The following CRAMP1 variants were observed in gnomAD, a reference collection of about 807,000 sequenced individuals.
CRAMP1 encodes protein cramped-like.
In CRAMP1, 50 loss-of-function variants were observed where a neutral mutation model predicts 115.4. The ratio of observed to expected loss-of-function variants is 0.43; its 90% CI spans 0.35 to 0.55. The LOEUF (loss-of-function observed/expected upper bound fraction) is 0.55, where lower values mean the gene tolerates loss of function less well. CRAMP1 is among the 20% of genes least tolerant of loss of function. CRAMP1 has a pLI of 0.01. For missense variants in CRAMP1, 1,679 were observed against 1,721.7 expected (o/e 0.98, Z 0.44); for synonymous variants, 866 against 745.4 (o/e 1.16, Z -2.64).
At chr16:1,658,110 G>A (rs1567459076) in intron 10 of CRAMP1, among the ~76,000 whole-genome samples, 1 of 152,286 alleles carries the variant, frequency 6.6e-6, no homozygotes, top group East Asian at 1.9e-4. Flanking sequence ...CCCCCAGCCG[G>A]TGCAGGGCTT....
chr16:1,642,113 C>T (rs902675489), intron 6 of CRAMP1, among the ~76,000 whole-genome samples: 1 of 152,236 alleles, frequency 6.6e-6, no homozygotes, highest in Admixed American at 6.5e-5. Flanking sequence ...GCACAACCAG[C>T]CCCGATCCTT....
At chr16:1,616,091 A>G (rs1157319773) in intron 2 of CRAMP1, among the ~76,000 whole-genome samples, 2 of 152,372 alleles carry the variant, frequency 1.3e-5, no homozygotes, top group East Asian at 1.9e-4. Context: ...ATATAAGTAT[A>G]CTTATTTAAA....
At chr16:1,621,154 A>G (rs2036462555) in intron 2 of CRAMP1, among the ~76,000 whole-genome samples, 1 of 152,140 alleles carries the variant, frequency 6.6e-6, no homozygotes, top group African/African-American at 2.4e-5. Context: ...CCCAGTTGAA[A>G]GATATGGATA....
intron 20 of CRAMP1, 86 bp from the exon 21 acceptor site, chr16:1,673,795 G>T: frequency 1.6e-6 from 2 of 1,287,712 alleles, no homozygotes; most frequent in Non-Finnish European, 2.2e-6. Context: ...GTCGATAGGA[G>T]CTTCTCGTCC....
At chr16:1,662,916 TTCATG>T in intron 13 of CRAMP1, 81 bp downstream of exon 13, 1 of 1,127,576 alleles carries the variant, frequency 8.9e-7, no homozygotes, top group Non-Finnish European at 1.3e-6. Context: ...CTCTCACATT[TTCATG>T]GTGTAAAATG....
At chr16:1,628,018 C>A (rs2036520482) in intron 3 of CRAMP1, among the ~76,000 whole-genome samples, 1 of 152,142 alleles carries the variant, frequency 6.6e-6, no homozygotes, top group South Asian at 2.1e-4. Context: ...AGGAGGAGTT[C>A]CTTGTTAATG....
At position 1,659,968 on chromosome 16, in the gene CRAMP1, T is replaced by C. The variant is rs756161025; in HGVS notation, c.2318T>C (p.Val773Ala). Reference protein sequence around the residue: ...EQSMTPPGKVVTVSSRSPRCP... With the variant: ...EQSMTPPGKVATVSSRSPRCP... Reference sequence around the variant, plus strand: ...TCGATGACGCCCCCAGGGAAGGTGGTGACCGTCAGCTCTCGCAGCCCCCGC... The same window carrying C: ...TCGATGACGCCCCCAGGGAAGGTGGCGACCGTCAGCTCTCGCAGCCCCCGC... Residue 773 changes from valine to alanine, a missense_variant, in exon 11 of 21, where the codon GTG (valine) becomes GCG (alanine). Transcript: ENST00000397412. 4 of 1,609,808 alleles carry C rather than the reference T, an allele frequency of 2.5e-6. No individual in the cohort carries two copies. In the South Asian group the frequency reaches 4.4e-5, roughly 18 times the overall value.
intron 4 of CRAMP1, among the ~76,000 whole-genome samples, chr16:1,633,037 A>G (rs1441446401): frequency 1.3e-5 from 2 of 152,164 alleles, no homozygotes; most frequent in Non-Finnish European, 2.9e-5. Flanking sequence ...CTTCACACAC[A>G]GCTTGGTCCT....
intron 13 of CRAMP1, 53 bp from the exon 14 acceptor site, chr16:1,665,004 A>AT (rs1464701433): frequency 2.4e-6 from 3 of 1,265,278 alleles, no homozygotes; most frequent in Non-Finnish European, 3.5e-6. Context: ...ACTGGGAGTG[A>AT]TTTTTTGGTA....
At chr16:1,617,338 A>G (rs139194375) in intron 2 of CRAMP1, among the ~76,000 whole-genome samples, 2 of 152,278 alleles carry the variant, frequency 1.3e-5, no homozygotes, top group Non-Finnish European at 2.9e-5. Context: ...ACATCCTCTG[A>G]CACCAGTCTT....
intron 11 of CRAMP1, among the ~76,000 whole-genome samples, chr16:1,662,203 C>T (rs2036837265): frequency 2.0e-5 from 3 of 152,166 alleles, no homozygotes; most frequent in Non-Finnish European, 4.4e-5. Context: ...CCTGGAACAT[C>T]TTTGGTGTCT....
At position 1,617,196 on chromosome 16, in the gene CRAMP1, G is replaced by T. The variant is rs1388558942; in HGVS notation, c.346+2211G>T. On this transcript the variant is annotated intron_variant, in intron 2 of 20. Coordinates refer to ENST00000397412, the MANE Select transcript of CRAMP1 (RefSeq NM_020825.4). ...GGCTTTTAGGAGAGGAGTAGGAAGT[G>T]GGTCTCCTTTGCATCACAGAACTTC... Among the ~76,000 whole-genome samples the T allele has an allele frequency of 2.0e-5, 3 of 152,178 alleles. No individual in the cohort carries two copies. In the South Asian group the frequency reaches 6.2e-4, roughly 32 times the overall value.
At chr16:1,655,646 C>G (rs1443139303) in intron 9 of CRAMP1, among the ~76,000 whole-genome samples, 1 of 152,242 alleles carries the variant, frequency 6.6e-6, no homozygotes, top group African/African-American at 2.4e-5. Flanking sequence ...GCTCCCGGCC[C>G]TGCCTGCTCC....
chr16:1,656,734 G>A lies in CRAMP1; in HGVS notation c.1977G>A (p.Arg659=), dbSNP rs1170017010. The A allele has an allele frequency of 1.9e-6, 3 of 1,550,666 alleles. No individual in the cohort carries two copies. The highest frequency in any genetic ancestry group is 1.7e-6 in the Non-Finnish European group (2 of 1,147,176). Residue 659 remains arginine, a synonymous_variant, in exon 10 of 21, where the codon AGG becomes AGA. Transcript: ENST00000397412. The surrounding 1 kb of genome is among the most constrained non-coding windows in gnomAD (Gnocchi z 5.6). ...CGTCTCAGGGACAGCCTGCCGCCAG[G>A]CCCCCGAAGGAGGTCCCCGCCAGCC... is the stretch of plus-strand genomic sequence containing the variant. The part of the protein sequence containing the change: ...PPPSQGQPAA[R]PPKEVPASRL...
intron 14 of CRAMP1, among the ~76,000 whole-genome samples, chr16:1,665,379 C>T (rs1423000032): frequency 2.0e-5 from 3 of 152,206 alleles, no homozygotes; most frequent in Non-Finnish European, 4.4e-5. Flanking sequence ...TCAGATGGCC[C>T]TGTGTGAGGC....
intron 10 of CRAMP1, among the ~76,000 whole-genome samples, chr16:1,657,288 G>A (rs772108044): frequency 6.6e-6 from 1 of 152,230 alleles, no homozygotes; most frequent in Non-Finnish European, 1.5e-5. Flanking sequence ...GTGCAGTGAT[G>A]AGTGGCCTGG....
chr16:1,617,358 C>G (rs1326610915), intron 2 of CRAMP1, among the ~76,000 whole-genome samples: 1 of 152,164 alleles, frequency 6.6e-6, no homozygotes, highest in Admixed American at 6.5e-5. Context: ...TTGGAGAGAC[C>G]TCTGCTCAGT....
chr16:1,653,820 CAAA>C (rs113112609), intron 8 of CRAMP1, among the ~76,000 whole-genome samples: 2 of 58,170 alleles, frequency 3.4e-5, no homozygotes, highest in African/African-American at 6.7e-5. Flanking sequence ...GACTCTGTCT[CAAA>C]AAAAAAAAAA....
At chr16:1,670,985 C>G (rs2142210382) in intron 20 of CRAMP1, among the ~76,000 whole-genome samples, 176 bp downstream of exon 20, 1 of 152,266 alleles carries the variant, frequency 6.6e-6, no homozygotes, top group African/African-American at 2.4e-5. Flanking sequence ...TCTGGGGACG[C>G]TGGGCCGGCT....
Sources: gnomAD v4.1 joint callset for allele counts (sites outside exome capture counted in the v4.1 genomes callset) on GRCh38, gnomAD v4.1.1 for gene constraint, Gnocchi (gnomAD v3.1) non-coding constraint, MANE v1.5 for transcripts, NCBI Gene and HGNC (gene_info 2026-07-23, HGNC 2026-07-21) for gene names.